Variants in RRM1 observed in about 807,000 individuals in gnomAD.
RRM1 encodes ribonucleotide reductase catalytic subunit M1, also known as ribonucleoside-diphosphate reductase large subunit.
RRM1 carries 19 observed loss-of-function variants against 101.5 expected under a neutral mutation model. That is an observed-to-expected ratio of 0.19 (90% CI 0.13 to 0.27). RRM1 has a LOEUF of 0.27. RRM1 is among the 10% of genes least tolerant of loss of function. The probability of loss-of-function intolerance (pLI) is 1.00; values close to 1 mark genes in which losing one functional copy is unlikely to be tolerated. For synonymous variants in RRM1, 298 were observed against 323.4 expected (o/e 0.92, Z 0.84); for missense variants, 500 against 962.9 (o/e 0.52, Z 6.36).
At chr11:4,105,949 C>T (rs2094557782) in intron 2 of RRM1, 97 bp from the exon 3 acceptor site, 2 of 983,346 alleles carry the variant, frequency 2.0e-6, no homozygotes, top group East Asian at 5.1e-5. Context: ...TAGGCATGTA[C>T]TACCACACCT....
chr11:4,113,129 T>A (rs1472013097), intron 7 of RRM1, among the ~76,000 whole-genome samples: 5 of 149,244 alleles, frequency 3.4e-5, no homozygotes, highest in East Asian at 4.0e-4. Context: ...AAAAAAAAAA[T>A]ATGCCATTAT....
chr11:4,111,674 C>T, intron 6 of RRM1, 34 bp downstream of exon 6: 1 of 1,544,366 alleles, frequency 6.5e-7, no homozygotes, highest in Non-Finnish European at 8.9e-7. Context: ...GTTACATTTT[C>T]TACTCATTAT....
intron 18 of RRM1, among the ~76,000 whole-genome samples, chr11:4,136,912 T>C (rs1051018629): frequency 1.3e-4 from 20 of 151,662 alleles, no homozygotes; most frequent in African/African-American, 4.9e-4. Context: ...CAGAGGACCC[T>C]GCGGCCTTCC....
chr11:4,095,442 A>G (rs1049297078), intron 1 of RRM1, among the ~76,000 whole-genome samples: 2 of 149,888 alleles, frequency 1.3e-5, no homozygotes, highest in Non-Finnish European at 3.0e-5. Flanking sequence ...AGGTGACAAT[A>G]CGGTTTGATT....
chr11:4,095,128 T>C, intron 1 of RRM1, 97 bp downstream of exon 1: 1 of 1,381,496 alleles, frequency 7.2e-7, no homozygotes, highest in Non-Finnish European at 1.0e-6. Context: ...CTTCGCTGCT[T>C]CCCGCCTTTC....
intron 15 of RRM1, among the ~76,000 whole-genome samples, chr11:4,130,438 G>C (rs2094598109): frequency 6.6e-6 from 1 of 152,118 alleles, no homozygotes; most frequent in South Asian, 2.1e-4. Context: ...ACTCACGTCT[G>C]TAATCCCAGC....
chr11:4,107,171 C>T lies in RRM1; in HGVS notation c.287-264C>T, dbSNP rs112142200. 9.6e-4 allele frequency among the ~76,000 whole-genome samples: 147 copies of T among 152,364 alleles called. 1 individual carries two copies. The highest frequency in any genetic ancestry group is 3.3e-3 in the African/African-American group (139 of 41,596). On this transcript the variant is annotated intron_variant, in intron 3 of 18. Coordinates refer to ENST00000300738, the MANE Select transcript of RRM1 (RefSeq NM_001033.5). ...CCTCCCAAAGTCCTGGGATTACAGG[C>T]GTGAGCCACCGCGCCCGGCCCAGGA...
Position 4,138,279 on chromosome 11 carries a change from G to A in RRM1, c.2275G>A (p.Asp759Asn). ...CACTCTAAATAAGGAGAAGCTAAAA[G>A]ATAAAGAAAAGGTATCAAAAGAGGA... ...QFTLNKEKLK[D>N]KEKVSKEEEE... The change falls in exon 19 of 19, where the codon GAT becomes AAT. Residue 759 changes from aspartate to asparagine, a missense_variant. Around this residue, in one of 9 missense-constraint regions of RRM1, gnomAD observed 33 missense variants for 40.7 expected, o/e 0.81. Coordinates refer to ENST00000300738, the MANE Select transcript of RRM1 (RefSeq NM_001033.5). 2 of 1,611,184 alleles carry A rather than the reference G, an allele frequency of 1.2e-6. No homozygotes were observed. The highest frequency in any genetic ancestry group is 1.7e-6 in the Non-Finnish European group (2 of 1,177,616).
intron 6 of RRM1, 53 bp from the exon 7 acceptor site, chr11:4,111,847 C>CA: frequency 6.5e-7 from 1 of 1,537,554 alleles, no homozygotes; most frequent in Non-Finnish European, 8.9e-7. Context: ...ATACGTATCT[C>CA]AACCTACTTT....
rs1250522392 is a variant in RRM1, at chr11:4,094,815, G to C, written c.-198G>C. ...CCGTCGCGCCCCTTTGTGCGTCACG[G>C]GTGGCGGGCGCGGGAAGGGGATTTG... On this transcript the variant is annotated 5_prime_UTR_variant, in exon 1 of 19. Transcript: ENST00000300738. The C allele has an allele frequency of 1.6e-6, 1 of 610,942 alleles. No individual in the cohort carries two copies. The highest frequency in any genetic ancestry group is 2.8e-5 in the Admixed American group (1 of 36,118). The allele number at this position is 610,942 out of a possible 1,614,324, so 37.8% of individuals were successfully genotyped here. A position where few individuals can be genotyped will look rare whatever the true frequency, so the allele number is the denominator to read the frequency against.
chr11:4,101,558 CA>C (rs200313099), intron 1 of RRM1, among the ~76,000 whole-genome samples: 1,026 of 31,304 alleles, frequency 0.033, 186 homozygotes, highest in African/African-American at 0.069. Context: ...CAGTGATCCA[CA>C]CCCCCCCCCG....
Position 4,106,030 on chromosome 11 carries a change from G to A in RRM1, c.109-16G>A. Reference sequence around the variant, plus strand: ...TCTTGGGAAAGCTCAAGTAATTCTTGGTTTTATTTTTGTAGGCTCAGATCA... The same window carrying A: ...TCTTGGGAAAGCTCAAGTAATTCTTAGTTTTATTTTTGTAGGCTCAGATCA... On this transcript the variant is annotated splice_polypyrimidine_tract_variant and intron_variant, in intron 2 of 18. Coordinates refer to ENST00000300738, the MANE Select transcript of RRM1 (RefSeq NM_001033.5). 1 of 1,601,284 alleles carries A rather than the reference G, an allele frequency of 6.2e-7. No homozygotes were observed. Among genetic ancestry groups the A allele is most frequent in the Non-Finnish European group, 8.5e-7 (1 of 1,175,202 alleles).
intron 11 of RRM1, 131 bp from the exon 12 acceptor site, chr11:4,123,052 C>CT: frequency 1.3e-6 from 1 of 758,938 alleles, no homozygotes; most frequent in Non-Finnish European, 2.1e-6. Context: ...TATCATATTC[C>CT]TTTTTTTCTT....
At chr11:4,095,610 G>GA (rs2094542547) in intron 1 of RRM1, among the ~76,000 whole-genome samples, 2 of 152,182 alleles carry the variant, frequency 1.3e-5, no homozygotes, top group Admixed American at 1.3e-4. Flanking sequence ...ACAGATCCCA[G>GA]ACAGACAGCA....
At chr11:4,119,670 T>G in intron 8 of RRM1, 175 bp from the exon 9 acceptor site, 1 of 577,696 alleles carries the variant, frequency 1.7e-6, no homozygotes, top group South Asian at 2.0e-5. Flanking sequence ...TTATTCAACA[T>G]TTTGTTGATT....
rs1444347786 is a variant in RRM1, at chr11:4,130,085, TA to T, written c.1769+936del. 1.8e-4 allele frequency among the ~76,000 whole-genome samples: 18 copies of T among 98,086 alleles called. No homozygotes were observed. In the East Asian group the frequency reaches 3.6e-3, roughly 20 times the overall value. 64.3% of individuals were successfully genotyped at this position (98,086 alleles called of 152,430 possible). A position where few individuals can be genotyped will look rare whatever the true frequency, so the allele number is the denominator to read the frequency against. On this transcript the variant is annotated intron_variant, in intron 15 of 18. Coordinates refer to ENST00000300738, the MANE Select transcript of RRM1 (RefSeq NM_001033.5). ...CTGTATTTATATATATATATATATATATTTTTTTTTTTTTTTTTTCCCCTCA... is the reference window on the plus strand; with the variant it reads ...CTGTATTTATATATATATATATATATTTTTTTTTTTTTTTTTTTCCCCTCA...
rs1238021833 is a variant in RRM1 at position 4,134,941 on chromosome 11, GATC to G, written c.2002-138_2002-136del. 2.5e-5 allele frequency: 13 copies of G among 520,944 alleles called. No individual in the cohort carries two copies. The African/African-American group carries it at 2.5e-4, about 10-fold the overall frequency. 32.3% of individuals were successfully genotyped at this position (520,944 alleles called of 1,614,324 possible). A position where few individuals can be genotyped will look rare whatever the true frequency, so the allele number is the denominator to read the frequency against. On this transcript the variant is annotated intron_variant, in intron 17 of 18. Coordinates refer to ENST00000300738, the MANE Select transcript of RRM1 (RefSeq NM_001033.5). ...AAATAGTCTTGGTAAACTTGATAAGGATCATATCATATGATACTGAATGGTAAG... is the reference window on the plus strand; with the variant it reads ...AAATAGTCTTGGTAAACTTGATAAGGATATCATATGATACTGAATGGTAAG...
At chr11:4,122,117 G>C in intron 10 of RRM1, 24 bp from the exon 11 acceptor site, 3 of 1,579,586 alleles carry the variant, frequency 1.9e-6, no homozygotes, top group South Asian at 2.3e-5. Context: ...TTTCTTATGA[G>C]TGATTTTGTC....
At position 4,132,163 on chromosome 11, in the gene RRM1, C is replaced by T; in HGVS notation, c.1770-123C>T. On this transcript the variant is annotated intron_variant, in intron 15 of 18. Coordinates refer to ENST00000300738, the MANE Select transcript of RRM1 (RefSeq NM_001033.5). The surrounding 1 kb of genome is among the most constrained non-coding windows in gnomAD (Gnocchi z 4.1). ...TGAAAGTCAACGTGTGAGTTCAATG[C>T]ATGTACGATGTTACATTTACATTTA... 4.3e-6 allele frequency: 4 copies of T among 933,994 alleles called. No homozygotes were observed. Among genetic ancestry groups the T allele is most frequent in the Non-Finnish European group, 6.6e-6 (4 of 604,696 alleles). The allele number at this position is 933,994 out of a possible 1,614,324, so 57.9% of individuals were successfully genotyped here.
Sources: allele counts gnomAD v4.1 joint callset (sites outside exome capture counted in the v4.1 genomes callset), GRCh38; gene constraint gnomAD v4.1.1; regional missense constraint gnomAD v4.1.1; non-coding constraint Gnocchi (gnomAD v3.1); transcripts MANE v1.5; gene names NCBI Gene and HGNC (gene_info 2026-07-23, HGNC 2026-07-21).